VWF: variants seen among roughly 807,000 people sequenced by gnomAD.
The protein encoded by VWF is von Willebrand factor.
A neutral mutation model predicts 308.6 loss-of-function variants in VWF; 176 were observed. The ratio of observed to expected loss-of-function variants is 0.57; its 90% confidence interval spans 0.50 to 0.65. The LOEUF (loss-of-function observed/expected upper bound fraction) is 0.65. Ranked by LOEUF, VWF falls within the 30% of genes least tolerant of loss-of-function variation. The pLI, the probability that VWF is intolerant of heterozygous loss-of-function variation, is 0.00. For synonymous variants in VWF, 1,385 were observed against 1,443.4 expected (o/e 0.96, Z 0.92); for missense variants, 3,146 against 3,648.2 (o/e 0.86, Z 3.55).
At chr12:6,087,660 G>A (rs956588324) in intron 6 of VWF, among the ~76,000 whole-genome samples, 5 of 151,884 alleles carry the variant, frequency 3.3e-5, no homozygotes, top group African/African-American at 4.8e-5. Flanking sequence ...CCCCGCGCCT[G>A]GCCAAGATTT....
chr12:6,029,194 C>T, intron 22 of VWF, 148 bp downstream of exon 22: 1 of 1,016,332 alleles, frequency 9.8e-7, no homozygotes, highest in South Asian at 1.4e-5. Context: ...ATCAATTCAA[C>T]AAGAAGAGCT....
At chr12:6,009,426 AACACACACAC>A (rs3062550) in intron 34 of VWF, among the ~76,000 whole-genome samples, 2,709 of 146,612 alleles carry the variant, frequency 0.018, 45 homozygotes, top group South Asian at 0.044. Flanking sequence ...GCCATTATCA[AACACACACAC>A]ACACACACAC....
At position 6,073,641 on chromosome 12, in the gene VWF, G is replaced by A. The variant is rs199928277; in HGVS notation, c.975C>T (p.Cys325=). 1.5e-4 allele frequency: 245 copies of A among 1,613,952 alleles called. No homozygotes were observed. The highest frequency in any genetic ancestry group is 3.3e-4 in the Middle Eastern group (2 of 6,084). The change falls in exon 8 of 52, where the codon TGC becomes TGT. Residue 325 remains cysteine (C), a synonymous_variant. Transcript: ENST00000261405. ...TACCAGGGCAGCTGCAGCCATCCACGCATCGCTCCTGACACATTTCATTGA... is the reference window on the plus strand; with the variant it reads ...TACCAGGGCAGCTGCAGCCATCCACACATCGCTCCTGACACATTTCATTGA... ...LHINEMCQER[C]VDGCSCPEGQ...
intron 18 of VWF, among the ~76,000 whole-genome samples, chr12:6,037,837 G>T (rs1845267406): frequency 6.7e-6 from 1 of 149,670 alleles, no homozygotes; most frequent in African/African-American, 2.4e-5. Flanking sequence ...TGGGAACAGG[G>T]CAATCTTGGG....
intron 21 of VWF, among the ~76,000 whole-genome samples, chr12:6,030,669 C>T (rs2136425787): frequency 6.6e-6 from 1 of 152,272 alleles, no homozygotes; most frequent in East Asian, 1.9e-4. Flanking sequence ...GTCTTGTGTA[C>T]ACTTATGAGA....
At chr12:5,976,401 G>A in intron 42 of VWF, 141 bp from the exon 43 acceptor site, 1 of 1,081,214 alleles carries the variant, frequency 9.2e-7, no homozygotes, top group South Asian at 1.4e-5. Flanking sequence ...CCCATATGCA[G>A]GGCTGCTTAT....
chr12:5,971,505 C>A lies in VWF; in HGVS notation c.7548+94G>T, dbSNP rs1004306566. 2.9e-6 allele frequency: 3 copies of A among 1,043,858 alleles called. No homozygotes were observed. In the African/African-American group the frequency reaches 4.7e-5, roughly 16 times the overall value. 64.7% of individuals were successfully genotyped at this position (1,043,858 alleles called of 1,614,324 possible). On this transcript the variant is annotated intron_variant, in intron 44 of 51. Coordinates refer to ENST00000261405, the MANE Select transcript of VWF (RefSeq NM_000552.5). Reference sequence around the variant, plus strand: ...TGGGTGAAATGCCCAGTGGGGAAAGCAAAGGGCAGGGAATGAGATGAAACC... The same window carrying A: ...TGGGTGAAATGCCCAGTGGGGAAAGAAAAGGGCAGGGAATGAGATGAAACC...
In VWF at chr12:6,056,905, A is replaced by G; in HGVS notation, c.1897T>C (p.Cys633Arg). ...CGALASYAAACAGRGVRVAWR... is the reference protein window; with the variant it reads ...CGALASYAAARAGRGVRVAWR... ...GCGACGCGCACGCCTCTCCCCGCGC[A>G]GGCCGCGGCATAGCTGGCCAGGGCG... Residue 633 changes from cysteine to arginine, a missense_variant, in exon 15 of 52, where the codon TGC becomes CGC. Cys to Arg is a radical substitution (Grantham distance 180). Transcript: ENST00000261405. 1 of 1,523,426 alleles carries G rather than the reference A, an allele frequency of 6.6e-7. No homozygotes were observed. Among genetic ancestry groups the G allele is most frequent in the South Asian group, 1.2e-5 (1 of 82,586 alleles). 94.4% of individuals were successfully genotyped at this position (1,523,426 alleles called of 1,614,324 possible).
rs138668094 is a variant in VWF at position 6,098,447 on chromosome 12, T to G, written c.533-2863A>C. On this transcript the variant is annotated intron_variant, in intron 5 of 51. Coordinates refer to ENST00000261405, the MANE Select transcript of VWF (RefSeq NM_000552.5). ...GCCACTACAATGAACAAATGCCCTA[T>G]TGAATTCATGACTAATCTCACAAAA... 6.1e-3 allele frequency among the ~76,000 whole-genome samples: 928 copies of G among 152,298 alleles called. 11 individuals carry two copies. Among genetic ancestry groups the G allele is most frequent in the African/African-American group, 0.02 (826 of 41,558 alleles).
At chr12:6,009,732 C>T in intron 34 of VWF, among the ~76,000 whole-genome samples, 1 of 152,096 alleles carries the variant, frequency 6.6e-6, no homozygotes, top group East Asian at 1.9e-4. Context: ...AATCCAAATG[C>T]ACATCAGTGG....
Position 5,991,824 on chromosome 12 carries a change from G to C in VWF, c.6793C>G (p.His2265Asp). ...TQCIGEDGVQ[H>D]QFLEAWVPDH... Reference sequence around the variant, plus strand: ...TGAAAGGCCCAGGCTCCTACCTGGTGCTGGACTCCATCCTCACCAATGCAC... The same window carrying C: ...TGAAAGGCCCAGGCTCCTACCTGGTCCTGGACTCCATCCTCACCAATGCAC... The change falls in exon 38 of 52, where the codon CAC becomes GAC. Residue 2265 changes from histidine (H) to aspartate (D), a missense_variant. Around this residue, in one of 3 missense-constraint regions of VWF, gnomAD observed 989 missense variants for 1,117.4 expected, o/e 0.89. Transcript: ENST00000261405. 6.2e-7 allele frequency: 1 copy of C among 1,613,998 alleles called. No homozygotes were observed. The highest frequency in any genetic ancestry group is 1.1e-5 in the South Asian group (1 of 91,072).
In VWF at chr12:6,018,355, GC is replaced by G; in HGVS notation, c.5053+9del. 1 of 1,607,066 alleles carries G rather than the reference GC, an allele frequency of 6.2e-7. No homozygotes were observed. Among genetic ancestry groups the G allele is most frequent in the Non-Finnish European group, 8.5e-7 (1 of 1,178,292 alleles). The stretch of plus-strand genomic sequence containing the variant: ...CAGCCCTCCCACCTGCACACAAGGT[GC>G]CAGCATACCAGGTGCAGGGGAGAGG... On this transcript the variant is annotated intron_variant, in intron 28 of 51. Transcript: ENST00000261405.
At chr12:6,072,952 C>T (rs975062395) in intron 8 of VWF, among the ~76,000 whole-genome samples, 5 of 151,810 alleles carry the variant, frequency 3.3e-5, no homozygotes, top group Admixed American at 1.3e-4. Context: ...CTGCAACTTC[C>T]GCCGCCTGGG....
chr12:5,949,919 G>A, intron 50 of VWF, 36 bp from the exon 51 acceptor site: 1 of 1,595,708 alleles, frequency 6.3e-7, no homozygotes, highest in Non-Finnish European at 8.6e-7. Flanking sequence ...TTGAGGACTG[G>A]CTGGGGTTCT....
At chr12:5,985,698 G>C (rs746060089) in intron 38 of VWF, 33 bp from the exon 39 acceptor site, 4 of 1,595,500 alleles carry the variant, frequency 2.5e-6, no homozygotes, top group South Asian at 1.1e-5. Context: ...AAAGGGCACA[G>C]GACATTCTAG....
At chr12:6,028,597 A>G (rs781532803) in intron 22 of VWF, among the ~76,000 whole-genome samples, 2 of 152,158 alleles carry the variant, frequency 1.3e-5, no homozygotes, top group Non-Finnish European at 2.9e-5. Context: ...AGAGGGGGGG[A>G]CCAATATTCA....
At chr12:6,062,811 A>C in intron 13 of VWF, 143 bp downstream of exon 13, 1 of 682,614 alleles carries the variant, frequency 1.5e-6, no homozygotes, top group Non-Finnish European at 2.5e-6. Flanking sequence ...TAAACAAGAG[A>C]GGCCTGTTTC....
intron 10 of VWF, among the ~76,000 whole-genome samples, chr12:6,070,617 A>G (rs1944768813): frequency 6.6e-6 from 1 of 152,274 alleles, no homozygotes; most frequent in African/African-American, 2.4e-5. Context: ...CACAGTGGCC[A>G]GCACATAGAA....
chr12:6,117,817 C>G lies in VWF; in HGVS notation c.220+3357G>C, dbSNP rs138655132. Among the ~76,000 whole-genome samples, 7 of 152,270 alleles carry G rather than the reference C, an allele frequency of 4.6e-5. No homozygotes were observed. The East Asian group carries it at 1.4e-3, about 29-fold the overall frequency. Reference sequence around the variant, plus strand: ...CAGCCTGGACAACACGAGCGAGATTCCATTTCAAAAGATGAGGAATTGGAG... The same window carrying G: ...CAGCCTGGACAACACGAGCGAGATTGCATTTCAAAAGATGAGGAATTGGAG... On this transcript the variant is annotated intron_variant, in intron 3 of 51. Transcript: ENST00000261405.
Sources: allele counts gnomAD v4.1 joint callset (sites outside exome capture counted in the v4.1 genomes callset), GRCh38; gene constraint gnomAD v4.1.1; regional missense constraint gnomAD v4.1.1; transcripts MANE v1.5; gene names NCBI Gene and HGNC (gene_info 2026-07-23, HGNC 2026-07-21).